Variants in ITSN2 observed in about 807,000 individuals in gnomAD.
The protein encoded by ITSN2 is intersectin 2.
Under a neutral mutation model 243.7 loss-of-function variants are expected in ITSN2, and 156 were observed. That is an observed-to-expected ratio of 0.64 (90% confidence interval 0.56 to 0.73). The LOEUF (loss-of-function observed/expected upper bound fraction) is 0.73. Ranked by LOEUF, ITSN2 falls within the 30% of genes least tolerant of loss-of-function variation. The pLI is 0.00. For synonymous variants in ITSN2, 703 were observed against 699.9 expected (o/e 1.00, Z -0.07); for missense variants, 1,801 against 1,996.1 (o/e 0.90, Z 1.86).
At position 24,301,899 on chromosome 2, in the gene ITSN2, ACT is replaced by A; in HGVS notation, c.995+64_995+65del. 4 of 1,416,078 alleles carry A rather than the reference ACT, an allele frequency of 2.8e-6. No homozygotes were observed. In the South Asian group the frequency reaches 5.5e-5, roughly 20 times the overall value. 87.7% of individuals were successfully genotyped at this position (1,416,078 alleles called of 1,614,324 possible). ...AAATCAATGGCAGTGCAAATATTTA[ACT>A]CTCTTCTAAATCACATCTGCCAAGT... is the stretch of plus-strand genomic sequence containing the variant. On this transcript the variant is annotated intron_variant, in intron 10 of 39. Transcript: ENST00000355123.
chr2:24,302,185 T>TTTTATTTATTTATTTA (rs200718095), intron 9 of ITSN2, 83 bp from the exon 10 acceptor site: 1 of 773,446 alleles, frequency 1.3e-6, no homozygotes, highest in African/African-American at 1.9e-5. Context: ...TTTATTTTAC[T>TTTTATTTATTTATTTA]TTTATTTATT....
At position 24,310,701 on chromosome 2, in the gene ITSN2, A is replaced by G; in HGVS notation, c.353-9T>C. On this transcript the variant is annotated splice_polypyrimidine_tract_variant and intron_variant, in intron 5 of 39. Coordinates refer to ENST00000355123, the MANE Select transcript of ITSN2 (RefSeq NM_006277.3). ...GGGCATGCTTCCCATTCCTAAAGTC[A>G]AAAGAAAACATTTTTTCCAGTGCTA... is the stretch of plus-strand genomic sequence containing the variant. 6.2e-7 allele frequency: 1 copy of G among 1,611,754 alleles called. No individual in the cohort carries two copies. The highest frequency in any genetic ancestry group is 2.2e-5 in the East Asian group (1 of 44,860).
intron 2 of ITSN2, among the ~76,000 whole-genome samples, chr2:24,322,671 T>C (rs889176974): frequency 6.6e-6 from 1 of 152,198 alleles, no homozygotes; most frequent in South Asian, 2.1e-4. Context: ...GATTATGCAA[T>C]GACTTTTTGG....
At chr2:24,231,396 G>A (rs1671576152) in intron 29 of ITSN2, among the ~76,000 whole-genome samples, 1 of 152,212 alleles carries the variant, frequency 6.6e-6, no homozygotes, top group Admixed American at 6.5e-5. Context: ...CAGCAGTGTT[G>A]ACTACAGGCA....
chr2:24,358,062 C>A (rs575661860), intron 1 of ITSN2, among the ~76,000 whole-genome samples: 1 of 152,110 alleles, frequency 6.6e-6, no homozygotes, highest in African/African-American at 2.4e-5. Context: ...TACAGGCGCA[C>A]GCCACCATGC....
chr2:24,262,755 C>G (rs188160936), intron 20 of ITSN2, among the ~76,000 whole-genome samples: 3 of 152,314 alleles, frequency 2.0e-5, no homozygotes, highest in African/African-American at 7.2e-5. Flanking sequence ...CAACTACTTG[C>G]AAGATATCTT....
intron 17 of ITSN2, among the ~76,000 whole-genome samples, chr2:24,280,764 A>G (rs527717230): frequency 6.6e-6 from 1 of 152,126 alleles, no homozygotes; most frequent in South Asian, 2.1e-4. Context: ...ATTGTTATCT[A>G]TTAGTCACCT....
chr2:24,248,941 T>G, intron 25 of ITSN2, 59 bp from the exon 26 acceptor site: 2 of 1,484,342 alleles, frequency 1.3e-6, no homozygotes, highest in Non-Finnish European at 1.9e-6. Context: ...TGTAAAAGTA[T>G]AAAGGTTAAT....
intron 17 of ITSN2, among the ~76,000 whole-genome samples, chr2:24,276,982 A>G (rs893675294): frequency 6.6e-6 from 1 of 152,220 alleles, no homozygotes; most frequent in Non-Finnish European, 1.5e-5. Flanking sequence ...AGCTGGAGAG[A>G]AAGGGTACTA....
At chr2:24,269,396 A>T (rs1259370625) in intron 20 of ITSN2, among the ~76,000 whole-genome samples, 1 of 152,214 alleles carries the variant, frequency 6.6e-6, no homozygotes, top group East Asian at 1.9e-4. Flanking sequence ...TTAGGAAATG[A>T]CACCATCATT....
chr2:24,347,723 T>G (rs568512107), intron 1 of ITSN2, among the ~76,000 whole-genome samples: 8 of 7,506 alleles, frequency 1.1e-3, no homozygotes, highest in East Asian at 8.2e-3. Flanking sequence ...TAAATTTGGG[T>G]TTTCTTTTTT....
At chr2:24,242,319 TTCTC>T (rs375877451) in intron 29 of ITSN2, 29 of 152,636 alleles carry the variant, frequency 1.9e-4, no homozygotes, top group African/African-American at 6.5e-4. Flanking sequence ...ACTGTTAAAA[TTCTC>T]TATCTTAAAA....
At position 24,275,845 on chromosome 2, in the gene ITSN2, A is replaced by G. The variant is rs1256165930; in HGVS notation, c.1949T>C (p.Leu650Pro). 2 of 1,599,808 alleles carry G rather than the reference A, an allele frequency of 1.3e-6. No individual in the cohort carries two copies. The highest frequency in any genetic ancestry group is 2.3e-5 in the East Asian group (1 of 44,416). ...CTGCTGTGTGTTGTAGGTTTCTCTC[A>G]GTTCCTAAGGAGAAAAAGAAAATAA... ...LNNLFLLLKE[L>P]RETYNTQQLA... Residue 650 changes from leucine (L) to proline (P), a missense_variant, in exon 18 of 40, where the codon CTG becomes CCG. By Grantham distance (98) the Leu-to-Pro change is moderately conservative. Coordinates refer to ENST00000355123, the MANE Select transcript of ITSN2 (RefSeq NM_006277.3).
At chr2:24,347,822 A>T (rs568609272) in intron 1 of ITSN2, among the ~76,000 whole-genome samples, 106 of 152,116 alleles carry the variant, frequency 7.0e-4, no homozygotes, top group Admixed American at 1.6e-3. Flanking sequence ...TTGTAATCCT[A>T]GCGCTTTTGG....
intron 25 of ITSN2, among the ~76,000 whole-genome samples, chr2:24,252,127 GC>G (rs1283970214): frequency 6.6e-6 from 1 of 152,028 alleles, no homozygotes; most frequent in Non-Finnish European, 1.5e-5. Context: ...ATGAAATCTT[GC>G]CCCCTTTATC....
intron 24 of ITSN2, among the ~76,000 whole-genome samples, 194 bp from the exon 25 acceptor site, chr2:24,252,705 T>C (rs977717415): frequency 1.3e-5 from 2 of 152,158 alleles, no homozygotes; most frequent in Non-Finnish European, 2.9e-5. Flanking sequence ...TAGAAAAAAG[T>C]TATTTGACTT....
At chr2:24,252,560 GA>G in intron 24 of ITSN2, 49 bp from the exon 25 acceptor site, 1 of 1,396,160 alleles carries the variant, frequency 7.2e-7, no homozygotes, top group Non-Finnish European at 9.8e-7. Context: ...TAAGATTACA[GA>G]AGTGAAAAAG....
chr2:24,353,288 A>G (rs755406691), intron 1 of ITSN2, among the ~76,000 whole-genome samples: 4 of 152,210 alleles, frequency 2.6e-5, no homozygotes, highest in African/African-American at 4.8e-5. Context: ...AATAAATGTT[A>G]ACATCACTAA....
intron 1 of ITSN2, among the ~76,000 whole-genome samples, chr2:24,344,744 G>A (rs1164002494): frequency 6.6e-6 from 1 of 152,156 alleles, no homozygotes. Context: ...CTGAGGTCAG[G>A]AGTTCAAGAC....
Sources: gnomAD v4.1 joint callset for allele counts (sites outside exome capture counted in the v4.1 genomes callset) on GRCh38, gnomAD v4.1.1 for gene constraint, MANE v1.5 for transcripts, NCBI Gene and HGNC (gene_info 2026-07-23, HGNC 2026-07-21) for gene names.